Variants in GABRB2 observed in about 807,000 individuals in gnomAD.
GABRB2 encodes gamma-aminobutyric acid receptor subunit beta-2.
GABRB2 carries 16 observed loss-of-function variants against 54.7 expected under a neutral mutation model. The observed-to-expected ratio is 0.29, with a 90% CI of 0.20 to 0.44. The LOEUF (loss-of-function observed/expected upper bound fraction) is 0.44. Ranked by LOEUF, GABRB2 falls within the 20% of genes least tolerant of loss-of-function variation. The pLI is 1.00. For synonymous variants in GABRB2, 244 were observed against 233.8 expected (o/e 1.04, Z -0.40); for missense variants, 355 against 644.0 (o/e 0.55, Z 4.86).
chr5:161,337,318 G>A (rs547298164), intron 5 of GABRB2, among the ~76,000 whole-genome samples: 22 of 152,198 alleles, frequency 1.4e-4, no homozygotes, highest in African/African-American at 4.8e-4. Context: ...AAGTGATTAC[G>A]AAGAAGAATC....
chr5:161,376,538 A>C (rs184150334), intron 5 of GABRB2, among the ~76,000 whole-genome samples: 93 of 152,280 alleles, frequency 6.1e-4, no homozygotes, highest in Admixed American at 2.7e-3. Context: ...TGAGGGAGTG[A>C]GGTTGCAGAA....
chr5:161,513,718 T>G (rs1759849407), intron 3 of GABRB2, among the ~76,000 whole-genome samples: 1 of 152,058 alleles, frequency 6.6e-6, no homozygotes, highest in African/African-American at 2.4e-5. Context: ...CATTTATATC[T>G]GAGGCCTCAG....
At chr5:161,481,720 T>C (rs1758768553) in intron 3 of GABRB2, among the ~76,000 whole-genome samples, 1 of 152,032 alleles carries the variant, frequency 6.6e-6, no homozygotes, top group Non-Finnish European at 1.5e-5. Flanking sequence ...ATGGTAATAC[T>C]CTTATAAAAA....
chr5:161,500,882 G>T (rs1024039312), intron 3 of GABRB2, among the ~76,000 whole-genome samples: 1 of 151,566 alleles, frequency 6.6e-6, no homozygotes. Flanking sequence ...TGTGCACATT[G>T]TGCAGGTTAG....
chr5:161,339,045 T>C (rs563154724), intron 5 of GABRB2, among the ~76,000 whole-genome samples: 1 of 152,258 alleles, frequency 6.6e-6, no homozygotes, highest in African/African-American at 2.4e-5. Context: ...TCCAATTTCT[T>C]ATCAGTTCTT....
intron 6 of GABRB2, 124 bp downstream of exon 6, chr5:161,336,508 T>A: frequency 8.8e-7 from 1 of 1,137,598 alleles, no homozygotes; most frequent in South Asian, 1.7e-5. Flanking sequence ...AAACTGAGGG[T>A]TTTCAGTGGA....
chr5:161,359,255 T>G (rs977615766), intron 5 of GABRB2, among the ~76,000 whole-genome samples: 1 of 152,188 alleles, frequency 6.6e-6, no homozygotes, highest in Non-Finnish European at 1.5e-5. Flanking sequence ...GATGATTATT[T>G]GCTATTTTTT....
At chr5:161,346,723 A>G (rs1754327374) in intron 5 of GABRB2, among the ~76,000 whole-genome samples, 1 of 152,148 alleles carries the variant, frequency 6.6e-6, no homozygotes, top group Non-Finnish European at 1.5e-5. Context: ...CTAATAAGAC[A>G]AATTTTCATA....
At chr5:161,301,679 A>G (rs1330767065) in intron 9 of GABRB2, among the ~76,000 whole-genome samples, 5 of 152,234 alleles carry the variant, frequency 3.3e-5, no homozygotes, top group African/African-American at 1.2e-4. Flanking sequence ...TATTCTCTGC[A>G]GATAAATTGC....
intron 3 of GABRB2, among the ~76,000 whole-genome samples, chr5:161,543,065 G>A (rs1422854651): frequency 6.6e-6 from 1 of 152,212 alleles, no homozygotes; most frequent in African/African-American, 2.4e-5. Flanking sequence ...ACAAATCCAT[G>A]GGTGTAGCAT....
intron 7 of GABRB2, among the ~76,000 whole-genome samples, chr5:161,332,212 G>C (rs1206876355): frequency 6.7e-6 from 1 of 149,416 alleles, no homozygotes; most frequent in African/African-American, 2.5e-5. Context: ...GGTTTTCAGA[G>C]TAATCCAACT....
chr5:161,407,830 T>G (rs1756391234), intron 5 of GABRB2, among the ~76,000 whole-genome samples: 1 of 152,174 alleles, frequency 6.6e-6, no homozygotes, highest in South Asian at 2.1e-4. Context: ...CTCCTTTCAA[T>G]TTTAGCAGTT....
At chr5:161,465,304 A>G (rs560707249) in intron 3 of GABRB2, among the ~76,000 whole-genome samples, 1 of 152,194 alleles carries the variant, frequency 6.6e-6, no homozygotes, top group South Asian at 2.1e-4. Context: ...TCATGAATAC[A>G]CAGGGACATA....
At chr5:161,314,253 C>T (rs944933092) in intron 9 of GABRB2, among the ~76,000 whole-genome samples, 1 of 152,192 alleles carries the variant, frequency 6.6e-6, no homozygotes, top group Non-Finnish European at 1.5e-5. Context: ...TAACCTGAAC[C>T]CTCTTTAGGG....
At chr5:161,388,347 T>C (rs1179903175) in intron 5 of GABRB2, among the ~76,000 whole-genome samples, 3 of 152,092 alleles carry the variant, frequency 2.0e-5, no homozygotes, top group African/African-American at 7.2e-5. Flanking sequence ...GTTAGTATAT[T>C]AAAAATAGCC....
intron 5 of GABRB2, among the ~76,000 whole-genome samples, chr5:161,388,559 C>T (rs2113497231): frequency 6.6e-6 from 1 of 151,970 alleles, no homozygotes; most frequent in East Asian, 1.9e-4. Context: ...CATTAATAAT[C>T]TAATAATTCT....
chr5:161,401,178 C>T (rs1421620257), intron 5 of GABRB2, among the ~76,000 whole-genome samples: 3 of 152,254 alleles, frequency 2.0e-5, no homozygotes, highest in Admixed American at 2.0e-4. Context: ...GTATCAGAAA[C>T]AGTCTAACAG....
At chr5:161,428,756 G>A (rs1040232051) in intron 4 of GABRB2, among the ~76,000 whole-genome samples, 3 of 151,996 alleles carry the variant, frequency 2.0e-5, no homozygotes, top group Non-Finnish European at 2.9e-5. Flanking sequence ...TTGACCTTAA[G>A]GACCTTAAAA....
intron 5 of GABRB2, among the ~76,000 whole-genome samples, chr5:161,366,726 A>C (rs1754984042): frequency 6.6e-6 from 1 of 152,110 alleles, no homozygotes; most frequent in Non-Finnish European, 1.5e-5. Context: ...TGGGTGGATC[A>C]CCTGAGGTCA....
Sources: allele counts gnomAD v4.1 joint callset (sites outside exome capture counted in the v4.1 genomes callset), GRCh38; gene constraint gnomAD v4.1.1; transcripts MANE v1.5; gene names NCBI Gene and HGNC (gene_info 2026-07-23, HGNC 2026-07-21).